The following TMEM230 variants were observed in gnomAD, a reference collection of about 807,000 sequenced individuals.
TMEM230 encodes the protein UPF0414 transmembrane protein C20orf30.
TMEM230 carries 10 observed loss-of-function variants against 15.8 expected under a neutral mutation model. The observed-to-expected ratio is 0.63, with a 90% confidence interval of 0.39 to 1.07. The LOEUF (loss-of-function observed/expected upper bound fraction) is 1.07. Ranked by LOEUF, TMEM230 falls within the 50% of genes least tolerant of loss-of-function variation. The probability of loss-of-function intolerance (pLI) is 0.01; values close to 1 mark genes in which losing one functional copy is unlikely to be tolerated. For synonymous variants in TMEM230, 67 were observed against 76.9 expected, an observed-to-expected ratio of 0.87 and a Z score of 0.68; for missense variants, 165 against 193.3, an observed-to-expected ratio of 0.85 and a Z score of 0.87.
In TMEM230 at chr20:5,106,243, C is replaced by A; in HGVS notation, c.356G>T (p.Gly119Val). 1 of 1,613,894 alleles carries A rather than the reference C, an allele frequency of 6.2e-7. No homozygotes were observed. The highest frequency in any genetic ancestry group is 1.7e-4 in the Middle Eastern group (1 of 6,058). The change falls in exon 4 of 5, where the codon GGC becomes GTC. Residue 119 changes from glycine (G) to valine (V), a missense_variant. Transcript: ENST00000342308. ...GGAGCCTATAATAATGAGAAAGGCG[C>A]CAATCAAAAACAGCACAGTGGCAAG...
chr20:5,081,859 A>ATT (rs2089183467), intron 3 of TMEM230, among the ~76,000 whole-genome samples: 8 of 92,230 alleles, frequency 8.7e-5, no homozygotes, highest in African/African-American at 3.0e-4. Flanking sequence ...AAATTCACTG[A>ATT]TTTTCTTTTT....
chr20:5,112,729 C>G, intron 1 of TMEM230: 1 of 1,442,882 alleles, frequency 6.9e-7, no homozygotes, highest in Non-Finnish European at 9.1e-7. Context: ...CCTCTACATA[C>G]GTTATTCTCC....
At chr20:5,094,610 G>A (rs1256354278) in intron 3 of TMEM230, among the ~76,000 whole-genome samples, 1 of 150,440 alleles carries the variant, frequency 6.6e-6, no homozygotes, top group African/African-American at 2.5e-5. Flanking sequence ...AGAAGGCTGA[G>A]GTAGGAGAAT....
downstream of TMEM230, among the ~76,000 whole-genome samples, chr20:5,096,852 A>G (rs1414497444): frequency 6.6e-6 from 1 of 152,218 alleles, no homozygotes; most frequent in Non-Finnish European, 1.5e-5. Context: ...CTAAGTGCCC[A>G]CAAGCACTGT....
intron 4 of TMEM230, among the ~76,000 whole-genome samples, chr20:5,105,217 C>A (rs540592388): frequency 6.6e-6 from 1 of 152,090 alleles, no homozygotes; most frequent in Admixed American, 6.6e-5. Flanking sequence ...ACCCACGAGC[C>A]GGAGTTTGCA....
downstream of TMEM230, among the ~76,000 whole-genome samples, chr20:5,096,401 C>CA (rs1862255647): frequency 6.6e-6 from 1 of 152,210 alleles, no homozygotes; most frequent in Non-Finnish European, 1.5e-5. Flanking sequence ...CACTGAACTA[C>CA]ATACCTGTGA....
chr20:5,099,297 A>G (rs1430165446), downstream of TMEM230, among the ~76,000 whole-genome samples: 1 of 152,110 alleles, frequency 6.6e-6, no homozygotes, highest in Admixed American at 6.6e-5. Flanking sequence ...TTCTGATCTG[A>G]GCTTTGCTCG....
chr20:5,109,493 G>A lies in TMEM230; in HGVS notation c.175-48C>T, dbSNP rs115276231. The A allele has an allele frequency of 5.8e-4, 797 of 1,381,864 alleles. 3 individuals are homozygous for A. In the African/African-American group the frequency reaches 8.5e-3, roughly 15 times the overall value. 85.6% of individuals were successfully genotyped at this position (1,381,864 alleles called of 1,614,324 possible). A position where few individuals can be genotyped will look rare whatever the true frequency, so the allele number is the denominator to read the frequency against. ...CCGTTATTGTCTGTAGATGACAATG[G>A]TGCATTATAGCCAATGAGTTCAGGA... On this transcript the variant is annotated intron_variant, in intron 2 of 4. Coordinates refer to ENST00000342308, the MANE Select transcript of TMEM230 (RefSeq NM_001009923.2).
chr20:5,074,756 T>C (rs1272461373), intron 3 of TMEM230, among the ~76,000 whole-genome samples: 1 of 151,958 alleles, frequency 6.6e-6, no homozygotes, highest in Non-Finnish European at 1.5e-5. Flanking sequence ...CTGGGCAACA[T>C]AGTGAGATCC....
At chr20:5,085,940 T>G (rs1316728799) in intron 3 of TMEM230, among the ~76,000 whole-genome samples, 1 of 152,156 alleles carries the variant, frequency 6.6e-6, no homozygotes, top group Non-Finnish European at 1.5e-5. Flanking sequence ...GTGTCACCTC[T>G]CACAGGTGCT....
chr20:5,099,307 G>C (rs543089827), downstream of TMEM230, among the ~76,000 whole-genome samples: 1 of 151,806 alleles, frequency 6.6e-6, no homozygotes, highest in East Asian at 1.9e-4. Flanking sequence ...AGCTTTGCTC[G>C]GCAACCACTC....
At chr20:5,081,287 G>A (rs746501526) in intron 3 of TMEM230, among the ~76,000 whole-genome samples, 2 of 152,118 alleles carry the variant, frequency 1.3e-5, no homozygotes, top group East Asian at 3.9e-4. Flanking sequence ...TGGAAGGGGC[G>A]AGCTGCCAGC....
intron 3 of TMEM230, among the ~76,000 whole-genome samples, chr20:5,076,945 TG>T (rs2089022911): frequency 6.6e-6 from 1 of 150,756 alleles, no homozygotes; most frequent in Non-Finnish European, 1.5e-5. Context: ...CTCAAAGTGC[TG>T]GGATTACAGG....
chr20:5,071,928 T>C (rs971852069), intron 3 of TMEM230, among the ~76,000 whole-genome samples: 4 of 152,086 alleles, frequency 2.6e-5, no homozygotes, highest in African/African-American at 9.7e-5. Context: ...TTTTTGTATT[T>C]TTAGTAGAGA....
In TMEM230 at chr20:5,106,078, AACACAC is replaced by A. The variant is rs61087830; in HGVS notation, c.411+104_411+109del. 3,166 of 550,592 alleles carry A rather than the reference AACACAC, an allele frequency of 5.8e-3. 16 individuals carry two copies. Among genetic ancestry groups the A allele is most frequent in the East Asian group, 0.012 (237 of 19,352 alleles). 34.1% of individuals were successfully genotyped at this position (550,592 alleles called of 1,614,324 possible). On this transcript the variant is annotated intron_variant, in intron 4 of 4. Transcript: ENST00000342308. ...AAAAAACAGACCACTGGGACGGACAAACACACACACACACACACACACACACACACA... is the reference window on the plus strand; with the variant it reads ...AAAAAACAGACCACTGGGACGGACAAACACACACACACACACACACACACA...
rs2089815908 is a variant in TMEM230 at position 5,100,657 on chromosome 20, C to A, written c.*134G>T. ...TTCACTTAACATCTTTGGGAAGGAC[C>A]CAAAAAATCTGGCCATTATTTTCTT... is the stretch of plus-strand genomic sequence containing the variant. On this transcript the variant is annotated 3_prime_UTR_variant, in exon 5 of 5. Coordinates refer to ENST00000342308, the MANE Select transcript of TMEM230 (RefSeq NM_001009923.2). 1.3e-5 allele frequency: 19 copies of A among 1,463,470 alleles called. No homozygotes were observed. The highest frequency in any genetic ancestry group is 1.7e-5 in the Non-Finnish European group (19 of 1,109,214). 90.7% of individuals were successfully genotyped at this position (1,463,470 alleles called of 1,614,324 possible).
chr20:5,106,363 C>T (rs565727187), intron 3 of TMEM230, 53 bp from the exon 3 acceptor site: 2 of 1,544,578 alleles, frequency 1.3e-6, no homozygotes, highest in South Asian at 2.4e-5. Flanking sequence ...ATGCAAATAC[C>T]TGGGTTCAAA....
chr20:5,088,031 A>G (rs2089400688), intron 3 of TMEM230, among the ~76,000 whole-genome samples: 3 of 145,160 alleles, frequency 2.1e-5, no homozygotes, highest in Non-Finnish European at 4.5e-5. Context: ...TTTCAAGGCC[A>G]AGCATGGTGG....
At chr20:5,078,007 T>A (rs1184552674) in intron 3 of TMEM230, among the ~76,000 whole-genome samples, 1 of 151,872 alleles carries the variant, frequency 6.6e-6, no homozygotes, top group Admixed American at 6.6e-5. Context: ...GAGGTGATAT[T>A]TGTATCAACA....
Sources: allele counts gnomAD v4.1 joint callset (sites outside exome capture counted in the v4.1 genomes callset), GRCh38; gene constraint gnomAD v4.1.1; transcripts MANE v1.5; gene names NCBI Gene and HGNC (gene_info 2026-07-23, HGNC 2026-07-21).